NLGN4Y: variants seen among roughly 807,000 people sequenced by gnomAD.
NLGN4Y encodes the protein neuroligin-4, Y-linked.
Under a neutral mutation model 8.4 loss-of-function variants are expected in NLGN4Y, and 4 were observed. The observed-to-expected ratio is 0.48, with a 90% confidence interval of 0.23 to 1.09. The LOEUF (loss-of-function observed/expected upper bound fraction) is 1.09. Ranked by LOEUF, NLGN4Y falls within the 50% of genes least tolerant of loss-of-function variation. The probability of loss-of-function intolerance (pLI) is 0.19; values close to 1 mark genes in which losing one functional copy is unlikely to be tolerated. For synonymous variants in NLGN4Y, 35 were observed against 75.6 expected (o/e 0.46, Z 2.78); for missense variants, 90 against 192.3 (o/e 0.47, Z 3.15).
chrY:14,581,247 C>G, intron 1 of NLGN4Y, among the ~76,000 whole-genome samples: 1 of 33,127 alleles, frequency 3.0e-5, no homozygotes, highest in Non-Finnish European at 7.4e-5. Context: ...AATGCTTCTC[C>G]CAAGCTTCCT....
At chrY:14,582,933 G>A in intron 1 of NLGN4Y, among the ~76,000 whole-genome samples, 1 of 34,133 alleles carries the variant, frequency 2.9e-5, no homozygotes, top group Non-Finnish European at 7.3e-5. Context: ...TCTTAAGATA[G>A]CACTCACCTT....
At chrY:14,710,399 G>C (rs2080895773) in intron 2 of NLGN4Y, among the ~76,000 whole-genome samples, 1 of 33,296 alleles carries the variant, frequency 3.0e-5, no homozygotes, top group African/African-American at 1.2e-4. Flanking sequence ...ACACCTGTAG[G>C]GGTCCCAGCT....
At chrY:14,757,271 A>G (rs1603503623) in intron 4 of NLGN4Y, among the ~76,000 whole-genome samples, 2 of 32,593 alleles carry the variant, frequency 6.1e-5, no homozygotes, top group East Asian at 1.6e-3. Context: ...TATCTAATCC[A>G]TGGCTAAACC....
intron 1 of NLGN4Y, among the ~76,000 whole-genome samples, chrY:14,564,853 C>A (rs2080245666): frequency 3.0e-5 from 1 of 33,455 alleles, no homozygotes; most frequent in Non-Finnish European, 7.4e-5. Context: ...AAGCAGCAAT[C>A]TTTGCTGCTT....
chrY:14,646,861 T>G, intron 2 of NLGN4Y, among the ~76,000 whole-genome samples: 1 of 34,209 alleles, frequency 2.9e-5, no homozygotes, highest in Admixed American at 2.6e-4. Context: ...ATCCCTGAAG[T>G]GCACCAAAGC....
At position 14,843,334 on chromosome Y, in the gene NLGN4Y, G is replaced by T. The variant is rs1438848390; in HGVS notation, c.*2072G>T. On this transcript the variant is annotated 3_prime_UTR_variant, in exon 7 of 7. Coordinates refer to ENST00000684976, the MANE Select transcript of NLGN4Y (RefSeq NM_001365588.1). ...TTGCTACACAGAGGTGTCTTGGAAA[G>T]ATTTCATTCCCAATTCATTTTTCAT... The T allele has an allele frequency of 2.5e-5, 3 of 119,652 alleles. No homozygotes were observed. Among genetic ancestry groups the T allele is most frequent in the Non-Finnish European group, 5.4e-5 (3 of 55,799 alleles). 29.8% of individuals were successfully genotyped at this position (119,652 alleles called of 400,897 possible).
At chrY:14,748,117 T>G in intron 4 of NLGN4Y, among the ~76,000 whole-genome samples, 1 of 33,615 alleles carries the variant, frequency 3.0e-5, no homozygotes, top group Non-Finnish European at 7.4e-5. Flanking sequence ...GCTTCGAAAC[T>G]TCAGCTGAAA....
chrY:14,623,909 C>G, intron 2 of NLGN4Y, among the ~76,000 whole-genome samples: 2 of 33,339 alleles, frequency 6.0e-5, no homozygotes, highest in Admixed American at 5.5e-4. Context: ...GGTGACAGAT[C>G]TCCCAATCAT....
chrY:14,596,861 T>C (rs2080402582), intron 1 of NLGN4Y, among the ~76,000 whole-genome samples: 1 of 32,866 alleles, frequency 3.0e-5, no homozygotes, highest in Non-Finnish European at 7.4e-5. Flanking sequence ...CGCTTGGCGA[T>C]TGTCTCACCG....
intron 2 of NLGN4Y, among the ~76,000 whole-genome samples, chrY:14,714,550 G>A (rs2080909338): frequency 3.0e-5 from 1 of 32,838 alleles, no homozygotes; most frequent in Non-Finnish European, 7.5e-5. Flanking sequence ...TTGGAATAGG[G>A]GAAGAAAGTT....
At chrY:14,690,325 G>A in intron 2 of NLGN4Y, among the ~76,000 whole-genome samples, 1 of 32,953 alleles carries the variant, frequency 3.0e-5, no homozygotes, top group African/African-American at 1.2e-4. Flanking sequence ...TGTTACCACA[G>A]CTATGTAGAC....
intron 2 of NLGN4Y, among the ~76,000 whole-genome samples, chrY:14,689,735 G>A: frequency 3.1e-5 from 1 of 32,786 alleles, no homozygotes; most frequent in South Asian, 6.9e-4. Flanking sequence ...GGGATTAGAC[G>A]AGGGAGAAGA....
chrY:14,730,088 T>G, intron 4 of NLGN4Y, among the ~76,000 whole-genome samples: 1 of 33,500 alleles, frequency 3.0e-5, no homozygotes, highest in Non-Finnish European at 7.4e-5. Context: ...AAAACATGCT[T>G]GTATTTACCT....
At chrY:14,764,185 G>A (rs2081087918) in intron 4 of NLGN4Y, among the ~76,000 whole-genome samples, 2 of 33,118 alleles carry the variant, frequency 6.0e-5, no homozygotes, top group Non-Finnish European at 7.5e-5. Context: ...CACATTTGTA[G>A]CAATGATCAC....
chrY:14,529,034 T>C, intron 1 of NLGN4Y, among the ~76,000 whole-genome samples: 1 of 32,646 alleles, frequency 3.1e-5, no homozygotes, highest in Non-Finnish European at 7.5e-5. Flanking sequence ...GGCCAGTATC[T>C]GATTGGATGA....
intron 4 of NLGN4Y, among the ~76,000 whole-genome samples, chrY:14,734,790 A>C: frequency 2.9e-5 from 1 of 34,008 alleles, no homozygotes; most frequent in African/African-American, 1.1e-4. Flanking sequence ...ACGATGTTTA[A>C]AAGTTTCAAC....
At chrY:14,534,589 A>AT (rs2080124493) in intron 1 of NLGN4Y, among the ~76,000 whole-genome samples, 1 of 33,687 alleles carries the variant, frequency 3.0e-5, no homozygotes, top group Non-Finnish European at 7.4e-5. Flanking sequence ...GAACTTGTTG[A>AT]TTTTTTCTTT....
At chrY:14,549,482 A>G in intron 1 of NLGN4Y, among the ~76,000 whole-genome samples, 1 of 33,201 alleles carries the variant, frequency 3.0e-5, no homozygotes, top group African/African-American at 1.2e-4. Flanking sequence ...TTTCCTCTGG[A>G]TGGTATACTT....
intron 4 of NLGN4Y, among the ~76,000 whole-genome samples, chrY:14,735,242 G>A (rs542621165): frequency 1.8e-4 from 6 of 33,996 alleles, no homozygotes; most frequent in African/African-American, 5.7e-4. Context: ...TGGCTGTGTC[G>A]CTACTCAGAT....
Sources: allele counts gnomAD v4.1 joint callset (sites outside exome capture counted in the v4.1 genomes callset), GRCh38; gene constraint gnomAD v4.1.1; transcripts MANE v1.5; gene names NCBI Gene and HGNC (gene_info 2026-07-23, HGNC 2026-07-21).